The following WFDC10A variants were observed in gnomAD, a reference collection of about 807,000 sequenced individuals.
WFDC10A encodes WAP four-disulfide core domain protein 10A.
A neutral mutation model predicts 2.6 loss-of-function variants in WFDC10A; 2 were observed. The ratio of observed to expected loss-of-function variants is 0.76; its 90% confidence interval spans 0.31 to 2.40. WFDC10A has a LOEUF of 2.40. Ranked by LOEUF, WFDC10A falls within the 30% of genes most tolerant of loss-of-function variation. WFDC10A has a pLI of 0.12. For missense variants in WFDC10A, 84 were observed against 91.8 expected (o/e 0.92, Z 0.35); for synonymous variants, 36 against 36.3 (o/e 0.99, Z 0.03).
intron 1 of WFDC10A, 60 bp from the exon 2 acceptor site, chr20:45,630,810 G>C: frequency 6.7e-7 from 1 of 1,502,294 alleles, no homozygotes; most frequent in Non-Finnish European, 8.9e-7. Flanking sequence ...GGAGGCTTCA[G>C]CTTGAGAAAA....
chr20:45,630,331 T>C (rs1476246526), intron 1 of WFDC10A, among the ~76,000 whole-genome samples: 1 of 151,060 alleles, frequency 6.6e-6, no homozygotes, highest in Non-Finnish European at 1.5e-5. Context: ...CAAGCAAAAG[T>C]TGGGGTACAC....
rs142723462 is a variant in WFDC10A, at chr20:45,629,894, G to A, written c.81G>A (p.Lys27=). The A allele has an allele frequency of 6.2e-7, 1 of 1,613,620 alleles. No individual in the cohort carries two copies. Among genetic ancestry groups the A allele is most frequent in the East Asian group, 2.2e-5 (1 of 44,886 alleles). ...LQAQGGYRDK[K]RMQKTQLSPE... is the part of the protein sequence containing the mutation. ...CCCAGGGAGGATACCGTGACAAGAA[G>A]AGGATGCAGAGTAGGTGATGGGCTG... is the stretch of plus-strand genomic sequence containing the variant. Residue 27 remains lysine (K), a synonymous_variant, in exon 1 of 2, where the codon AAG becomes AAA. Transcript: ENST00000372643.
At position 45,630,044 on chromosome 20, in the gene WFDC10A, T is replaced by G. The variant is rs796174153; in HGVS notation, c.91+140T>G. On this transcript the variant is annotated intron_variant, in intron 1 of 1. Coordinates refer to ENST00000372643, the MANE Select transcript of WFDC10A (RefSeq NM_080753.3). Reference sequence around the variant, plus strand: ...CCACAATGTTGTGTAGACTCTGGACTGTCCCTAAACCATGGCCCTCCAGCC... The same window carrying G: ...CCACAATGTTGTGTAGACTCTGGACGGTCCCTAAACCATGGCCCTCCAGCC... The G allele has an allele frequency of 3.2e-6, 4 of 1,246,848 alleles. No homozygotes were observed. In the African/African-American group the frequency reaches 6.6e-5, roughly 21 times the overall value. The allele number at this position is 1,246,848 out of a possible 1,614,324, so 77.2% of individuals were successfully genotyped here. A position where few individuals can be genotyped will look rare whatever the true frequency, so the allele number is the denominator to read the frequency against.
chr20:45,630,018 AC>A, intron 1 of WFDC10A, 114 bp downstream of exon 1: 1 of 1,424,908 alleles, frequency 7.0e-7, no homozygotes, highest in Non-Finnish European at 9.5e-7. Context: ...TCCAGCTCTG[AC>A]CACAATGTTG....
rs764422055 is a variant in WFDC10A, at chr20:45,630,928, C to A, written c.150C>A (p.Cys50Ter). 6.2e-7 allele frequency: 1 copy of A among 1,612,286 alleles called. No homozygotes were observed. The highest frequency in any genetic ancestry group is 1.7e-5 in the Admixed American group (1 of 59,744). Reference protein sequence around the residue: ...VCQQQPKLYLCKHLCESHRDC... With the variant: ...VCQQQPKLYL ...AGCAGCAGCCTAAACTATATCTATG[C>A]AAACACTTATGTGAATCTCACCGAG... Residue 50 changes from cysteine to a stop codon, truncating the protein, a stop_gained, in exon 2 of 2, where the codon TGC (cysteine) becomes TGA (stop). Transcript: ENST00000372643. LOFTEE classifies it low-confidence loss of function (END_TRUNC).
chr20:45,630,139 T>C (rs1382910389), intron 1 of WFDC10A, among the ~76,000 whole-genome samples: 1 of 152,174 alleles, frequency 6.6e-6, no homozygotes, highest in Non-Finnish European at 1.5e-5. Flanking sequence ...TCCTTCTCAA[T>C]ACTTAGAGAG....
chr20:45,630,464 T>A (rs1487324), intron 1 of WFDC10A, among the ~76,000 whole-genome samples: 88,828 of 151,880 alleles, frequency 0.58, 26,999 homozygotes, highest in East Asian at 0.98. Context: ...ACAAGAGGCA[T>A]GTTGATCCTC....
At chr20:45,630,832 G>C in intron 1 of WFDC10A, 38 bp from the exon 2 acceptor site, 1 of 1,536,282 alleles carries the variant, frequency 6.5e-7, no homozygotes, top group Non-Finnish European at 8.7e-7. Context: ...TGTTCTCTAG[G>C]AAACTGCGTT....
rs907921214 is a variant in WFDC10A, at chr20:45,631,104, G to C, written c.*86G>C. The stretch of plus-strand genomic sequence containing the variant: ...CACATCCGAAGCACAAGGACCTCAA[G>C]TCACCAGCATAAGAACATCAACAGG... On this transcript the variant is annotated 3_prime_UTR_variant, in exon 2 of 2. Transcript: ENST00000372643. 7.0e-7 allele frequency: 1 copy of C among 1,434,688 alleles called. No individual in the cohort carries two copies. Among genetic ancestry groups the C allele is most frequent in the Non-Finnish European group, 9.3e-7 (1 of 1,081,064 alleles). 88.9% of individuals were successfully genotyped at this position (1,434,688 alleles called of 1,614,324 possible).
Position 45,629,789 on chromosome 20 carries a change from T to C in WFDC10A, c.-25T>C, listed in dbSNP as rs774875750. 25 of 1,610,356 alleles carry C rather than the reference T, an allele frequency of 1.6e-5. No homozygotes were observed. In the East Asian group the frequency reaches 1.8e-4, roughly 12 times the overall value. On this transcript the variant is annotated 5_prime_UTR_variant, in exon 1 of 2. Transcript: ENST00000372643. ...AAGTCTGTGACAACCTGGCCAGACA[T>C]AGGGCTCACGATCTGATCAGAGTCA...
chr20:45,629,861 G>A lies in WFDC10A; in HGVS notation c.48G>A (p.Leu16=). ...CTGTCCTGGTTCTCTGTGTGCTGCT[G>A]CTGCAGGCCCAGGGAGGATACCGTG... ...LLPVLVLCVL[L]LQAQGGYRDK... Residue 16 remains leucine, a synonymous_variant, in exon 1 of 2, where the codon CTG becomes CTA. Transcript: ENST00000372643. The A allele has an allele frequency of 6.2e-7, 1 of 1,614,112 alleles. No individual in the cohort carries two copies. The highest frequency in any genetic ancestry group is 8.5e-7 in the Non-Finnish European group (1 of 1,180,006).
In WFDC10A at chr20:45,630,175, C is replaced by T. The variant is rs138852939; in HGVS notation, c.91+271C>T. On this transcript the variant is annotated intron_variant, in intron 1 of 1. Transcript: ENST00000372643. ...AAATGGCACATCCCATAGTGAAAGG[C>T]GCACCAGGGCTGAGAATCCAGTGGG... Among the ~76,000 whole-genome samples, 17 of 152,256 alleles carry T rather than the reference C, an allele frequency of 1.1e-4. No individual in the cohort carries two copies. The South Asian group carries it at 1.5e-3, about 13-fold the overall frequency.
chr20:45,630,823 G>A (rs570868107), intron 1 of WFDC10A, 47 bp from the exon 2 acceptor site: 148 of 1,513,518 alleles, frequency 9.8e-5, no homozygotes, highest in Non-Finnish European at 1.2e-4. Context: ...TGAGAAAAAT[G>A]TTCTCTAGGA....
chr20:45,630,904 G>C lies in WFDC10A; in HGVS notation c.126G>C (p.Gln42His), dbSNP rs1333314221. The change falls in exon 2 of 2, where the codon CAG (glutamine) becomes CAC (histidine). Residue 42 changes from glutamine (Q) to histidine (H), a missense_variant. Gln to His is a conservative substitution (Grantham distance 24). Transcript: ENST00000372643. Reference protein sequence around the residue: ...TQLSPEIKVCQQQPKLYLCKH... With the variant: ...TQLSPEIKVCHQQPKLYLCKH... ...TATCCCCAGAAATCAAAGTCTGCCAGCAGCAGCCTAAACTATATCTATGCA... is the reference window on the plus strand; with the variant it reads ...TATCCCCAGAAATCAAAGTCTGCCACCAGCAGCCTAAACTATATCTATGCA... 3 of 1,607,040 alleles carry C rather than the reference G, an allele frequency of 1.9e-6. No individual in the cohort carries two copies. The African/African-American group carries it at 4.0e-5, about 22-fold the overall frequency.
At chr20:45,630,811 CT>C in intron 1 of WFDC10A, 58 bp from the exon 2 acceptor site, 1 of 1,502,328 alleles carries the variant, frequency 6.7e-7, no homozygotes, top group South Asian at 1.4e-5. Context: ...GAGGCTTCAG[CT>C]TGAGAAAAAT....
At chr20:45,630,056 A>G (rs1053336345) in intron 1 of WFDC10A, 152 bp downstream of exon 1, 3 of 1,087,210 alleles carry the variant, frequency 2.8e-6, no homozygotes, top group South Asian at 1.9e-5. Context: ...TCCCTAAACC[A>G]TGGCCCTCCA....
rs370860448 is a variant in WFDC10A at position 45,631,057 on chromosome 20, C to T, written c.*39C>T. ...CTGGGATGTGCATCCTGCTTCCCAA[C>T]TCCTCTATCCAAGACTGTGCCCACA... On this transcript the variant is annotated 3_prime_UTR_variant, in exon 2 of 2. Coordinates refer to ENST00000372643, the MANE Select transcript of WFDC10A (RefSeq NM_080753.3). The T allele has an allele frequency of 4.4e-5, 68 of 1,559,850 alleles. No individual in the cohort carries two copies. In the African/African-American group the frequency reaches 8.9e-4, roughly 20 times the overall value.
At position 45,631,011 on chromosome 20, in the gene WFDC10A, T is replaced by A. The variant is rs140408245; in HGVS notation, c.233T>A (p.Ile78Asn). 1.3e-6 allele frequency: 2 copies of A among 1,599,594 alleles called. No homozygotes were observed. The highest frequency in any genetic ancestry group is 2.3e-5 in the South Asian group (2 of 88,486). Residue 78 changes from isoleucine to asparagine, a missense_variant, in exon 2 of 2, where the codon ATC (isoleucine) becomes AAC (asparagine). By Grantham distance (149) the Ile-to-Asn change is moderately radical. Coordinates refer to ENST00000372643, the MANE Select transcript of WFDC10A (RefSeq NM_080753.3). ...STYCGNVCMS[I>N]L ...TACTGTGGGAATGTTTGCATGAGCA[T>A]CCTGTGAGTGGGAGAGTGGGCTGGG...
intron 1 of WFDC10A, 89 bp downstream of exon 1, chr20:45,629,993 G>T (rs1648339472): frequency 2.0e-6 from 3 of 1,525,104 alleles, no homozygotes; most frequent in African/African-American, 1.4e-5. Context: ...CTAGGAGTTG[G>T]AAACTCTCTG....
Sources: allele counts gnomAD v4.1 joint callset (sites outside exome capture counted in the v4.1 genomes callset), GRCh38; gene constraint gnomAD v4.1.1; transcripts MANE v1.5; gene names NCBI Gene and HGNC (gene_info 2026-07-23, HGNC 2026-07-21).